CNTNAP2: variants seen among roughly 807,000 people sequenced by gnomAD.
CNTNAP2 encodes the protein contactin associated protein 2.
Under a neutral mutation model 155.2 loss-of-function variants are expected in CNTNAP2, and 98 were observed. The observed-to-expected ratio is 0.63, with a 90% CI of 0.54 to 0.75. The LOEUF (loss-of-function observed/expected upper bound fraction) is 0.75, where lower values mean the gene tolerates loss of function less well. Among genes scored for constraint, CNTNAP2 ranks in the 30% least tolerant of loss-of-function variants. The pLI is 0.00. For synonymous variants in CNTNAP2, 651 were observed against 631.2 expected (o/e 1.03, Z -0.47); for missense variants, 1,727 against 1,688.1 (o/e 1.02, Z -0.40).
intron 18 of CNTNAP2, among the ~76,000 whole-genome samples, chr7:148,203,701 T>G: frequency 6.6e-6 from 1 of 152,032 alleles, no homozygotes; most frequent in Non-Finnish European, 1.5e-5. Context: ...GCCAAGGTCG[T>G]GTACTCCAGC....
chr7:146,935,937 T>C (rs1796905372), intron 3 of CNTNAP2, among the ~76,000 whole-genome samples: 1 of 152,176 alleles, frequency 6.6e-6, no homozygotes, highest in Admixed American at 6.6e-5. Context: ...AATAGAAGTC[T>C]CCCTGGTGTG....
chr7:147,211,641 A>T lies in CNTNAP2; in HGVS notation c.1348+79132A>T, dbSNP rs58832690. 2.6e-3 allele frequency among the ~76,000 whole-genome samples: 394 copies of T among 152,242 alleles called. 1 individual carries two copies. Among genetic ancestry groups the T allele is most frequent in the African/African-American group, 8.9e-3 (371 of 41,574 alleles). On this transcript the variant is annotated intron_variant, in intron 8 of 23. Coordinates refer to ENST00000361727, the MANE Select transcript of CNTNAP2 (RefSeq NM_014141.6). ...ACTAGACCTCTGCCTTTCACCATAT[A>T]CAAAAGTTAACTAAAGATAGATTAA...
chr7:147,803,590 A>G (rs1046340740), intron 13 of CNTNAP2, among the ~76,000 whole-genome samples: 1 of 152,218 alleles, frequency 6.6e-6, no homozygotes, highest in Admixed American at 6.5e-5. Flanking sequence ...GGCAAGAATG[A>G]TATGAAACAA....
chr7:147,634,957 G>A (rs138090702), intron 12 of CNTNAP2, among the ~76,000 whole-genome samples: 7 of 151,906 alleles, frequency 4.6e-5, no homozygotes, highest in African/African-American at 7.3e-5. Context: ...GAATGATGCC[G>A]GGAAAATTCC....
At chr7:148,185,504 A>G (rs1364718827) in intron 18 of CNTNAP2, among the ~76,000 whole-genome samples, 2 of 152,222 alleles carry the variant, frequency 1.3e-5, no homozygotes, top group African/African-American at 4.8e-5. Context: ...ATCCCAAGTG[A>G]TTGACAGTCT....
At chr7:146,388,971 T>C (rs367790864) in intron 1 of CNTNAP2, among the ~76,000 whole-genome samples, 1 of 152,142 alleles carries the variant, frequency 6.6e-6, no homozygotes, top group East Asian at 1.9e-4. Context: ...AAAAGTCACA[T>C]AGCATACAGG....
intron 3 of CNTNAP2, among the ~76,000 whole-genome samples, chr7:146,913,771 A>G (rs904391954): frequency 4.0e-5 from 6 of 151,748 alleles, no homozygotes; most frequent in East Asian, 3.9e-4. Flanking sequence ...TTTTTTTTCA[A>G]TAGGTTTTTG....
intron 18 of CNTNAP2, 128 bp from the exon 19 acceptor site, chr7:148,217,160 C>A: frequency 1.2e-6 from 1 of 838,858 alleles, no homozygotes; most frequent in Non-Finnish European, 2.0e-6. Context: ...CATCTTTCTC[C>A]ATAGAACTTA....
At chr7:147,953,599 G>T (rs571869786) in intron 14 of CNTNAP2, among the ~76,000 whole-genome samples, 4 of 152,198 alleles carry the variant, frequency 2.6e-5, no homozygotes, top group Non-Finnish European at 5.9e-5. Flanking sequence ...GAATTGAGAA[G>T]TTCTAAGACA....
intron 8 of CNTNAP2, among the ~76,000 whole-genome samples, chr7:147,214,122 C>T (rs560906187): frequency 3.3e-5 from 5 of 152,250 alleles, no homozygotes; most frequent in African/African-American, 1.2e-4. Context: ...CAAGTCAACA[C>T]CTAAAATTAA....
At chr7:146,447,631 T>A (rs1796420890) in intron 1 of CNTNAP2, among the ~76,000 whole-genome samples, 1 of 151,986 alleles carries the variant, frequency 6.6e-6, no homozygotes, top group Non-Finnish European at 1.5e-5. Flanking sequence ...ATTGAGAAGC[T>A]TTCATGCTTC....
chr7:148,042,558 G>C (rs1802698141), intron 15 of CNTNAP2, among the ~76,000 whole-genome samples: 1 of 152,178 alleles, frequency 6.6e-6, no homozygotes, highest in Non-Finnish European at 1.5e-5. Flanking sequence ...CCCAGGTTCT[G>C]CTAACTTGGT....
intron 13 of CNTNAP2, among the ~76,000 whole-genome samples, chr7:147,780,148 G>A (rs987753484): frequency 3.9e-5 from 6 of 152,098 alleles, no homozygotes; most frequent in African/African-American, 1.2e-4. Context: ...CTAATCTTAC[G>A]ACTGCTCTGA....
chr7:148,073,270 A>G (rs1029955212), intron 15 of CNTNAP2, among the ~76,000 whole-genome samples: 2 of 152,234 alleles, frequency 1.3e-5, no homozygotes, highest in Admixed American at 6.5e-5. Context: ...TTGGATTCTC[A>G]TGCTTCTAAT....
Position 148,200,317 on chromosome 7 carries a change from A to T in CNTNAP2, c.3011-16971A>T, listed in dbSNP as rs192116350. ...TAAATACAACATATTATTAAAATTC[A>T]TTTCACTTTTTTACTTTTTAAATGT... On this transcript the variant is annotated intron_variant, in intron 18 of 23. Coordinates refer to ENST00000361727, the MANE Select transcript of CNTNAP2 (RefSeq NM_014141.6). 5.9e-5 allele frequency among the ~76,000 whole-genome samples: 9 copies of T among 152,276 alleles called. No individual in the cohort carries two copies. The East Asian group carries it at 1.7e-3, about 29-fold the overall frequency.
intron 14 of CNTNAP2, among the ~76,000 whole-genome samples, chr7:147,933,327 C>T (rs942777418): frequency 1.2e-4 from 19 of 152,190 alleles, no homozygotes; most frequent in Admixed American, 7.2e-4. Flanking sequence ...TGGCCATTTA[C>T]TCCCCCAAAA....
chr7:147,057,776 C>T (rs1040290613), intron 4 of CNTNAP2, among the ~76,000 whole-genome samples: 2 of 152,118 alleles, frequency 1.3e-5, no homozygotes, highest in Non-Finnish European at 2.9e-5. Flanking sequence ...AAAATTGACA[C>T]ATTGTAAGAA....
chr7:146,162,599 T>C (rs2116801899), intron 1 of CNTNAP2, among the ~76,000 whole-genome samples: 2 of 152,296 alleles, frequency 1.3e-5, no homozygotes, highest in South Asian at 2.1e-4. Flanking sequence ...GACAGTGTGG[T>C]GATTCCTCAA....
intron 8 of CNTNAP2, among the ~76,000 whole-genome samples, chr7:147,145,303 C>T (rs1801679961): frequency 1.3e-5 from 2 of 152,122 alleles, no homozygotes; most frequent in African/African-American, 4.8e-5. Flanking sequence ...GGATATTTGG[C>T]AATACCTGGA....
Sources: allele counts gnomAD v4.1 joint callset (sites outside exome capture counted in the v4.1 genomes callset), GRCh38; gene constraint gnomAD v4.1.1; transcripts MANE v1.5; gene names NCBI Gene and HGNC (gene_info 2026-07-23, HGNC 2026-07-21).